The following JMJD1C variants were observed in gnomAD, a reference collection of about 807,000 sequenced individuals.
JMJD1C encodes jumonji domain containing 1C.
Under a neutral mutation model 245.3 loss-of-function variants are expected in JMJD1C, and 31 were observed. The observed-to-expected ratio is 0.13, with a 90% CI of 0.09 to 0.17. The LOEUF (loss-of-function observed/expected upper bound fraction) is 0.17. Among genes scored for constraint, JMJD1C ranks in the 10% least tolerant of loss-of-function variants. The probability of loss-of-function intolerance (pLI) is 1.00; values close to 1 mark genes in which losing one functional copy is unlikely to be tolerated. For synonymous variants in JMJD1C, 1,057 were observed against 1,017.4 expected (o/e 1.04, Z -0.74); for missense variants, 2,691 against 3,000.2 (o/e 0.90, Z 2.41).
At chr10:63,337,624 A>AAAAAGAAAAGAAAAAG (rs1554892781) in intron 2 of JMJD1C, among the ~76,000 whole-genome samples, 1 of 60,194 alleles carries the variant, frequency 1.7e-5, no homozygotes, top group Non-Finnish European at 3.3e-5. Context: ...AAAAGAAAAG[A>AAAAAGAAAAGAAAAAG]AAAAGAAAAG....
rs35705943 is a variant in JMJD1C, at chr10:63,480,323, A to ATT, written n.113+41413_113+41414dup. Among the ~76,000 whole-genome samples the ATT allele has an allele frequency of 6.8e-3, 989 of 146,022 alleles. 6 individuals are homozygous for ATT. The highest frequency in any genetic ancestry group is 0.01 in the Non-Finnish European group (687 of 66,158). ...CAGAAACAGCCTAAACTATAGTTTG[A>ATT]TTTTTTTTTTTTTTTGAGGCAGTCT... On this transcript the variant is annotated intron_variant and non_coding_transcript_variant, in intron 1 of 3. Coordinates refer to the JMJD1C transcript ENST00000633035.
At chr10:63,418,398 A>C (rs1267927257) in intron 1 of JMJD1C, among the ~76,000 whole-genome samples, 1 of 152,224 alleles carries the variant, frequency 6.6e-6, no homozygotes. Flanking sequence ...AGAGGCACTA[A>C]GTGGTTATTC....
At chr10:63,396,005 C>T (rs192033416) in intron 1 of JMJD1C, among the ~76,000 whole-genome samples, 3 of 152,096 alleles carry the variant, frequency 2.0e-5, no homozygotes, top group African/African-American at 7.2e-5. Flanking sequence ...ATGTCTTAAT[C>T]GTCGAAATGG....
At position 63,206,976 on chromosome 10, in the gene JMJD1C, T is replaced by C. The variant is rs1056829883; in HGVS notation, c.4693A>G (p.Thr1565Ala). ...TTCCCTGAATTTTCCATTTTATTAG[T>C]ATTTTTATCTTCTTCTGAGTGTCTG... is the stretch of plus-strand genomic sequence containing the variant. Reference protein sequence around the residue: ...LTRHSEEDKNTNKMENSGNSV... With the variant: ...LTRHSEEDKNANKMENSGNSV... The change falls in exon 10 of 26, where the codon ACT (threonine) becomes GCT (alanine). Residue 1565 changes from threonine (T) to alanine (A), a missense_variant. Physicochemically the swap from Thr to Ala is moderately conservative, Grantham distance 58. Transcript: ENST00000399262. The C allele has an allele frequency of 6.2e-7, 1 of 1,611,432 alleles. No homozygotes were observed. The highest frequency in any genetic ancestry group is 8.5e-7 in the Non-Finnish European group (1 of 1,179,352).
intron 1 of JMJD1C, among the ~76,000 whole-genome samples, chr10:63,402,393 G>A (rs7896783): frequency 0.42 from 64,002 of 151,962 alleles, 14,230 homozygotes; most frequent in South Asian, 0.54. Context: ...TTTGTGTTGA[G>A]TGAATAAATG....
chr10:63,190,068 T>C (rs976089469), intron 17 of JMJD1C, among the ~76,000 whole-genome samples: 4 of 151,912 alleles, frequency 2.6e-5, no homozygotes, highest in Non-Finnish European at 5.9e-5. Context: ...TGGCTAATTT[T>C]TGTATTTTCA....
At chr10:63,305,261 G>A (rs563455479) in intron 2 of JMJD1C, among the ~76,000 whole-genome samples, 187 of 151,876 alleles carry the variant, frequency 1.2e-3, no homozygotes, top group Non-Finnish European at 1.9e-3. Context: ...CCAGCTACTC[G>A]GGAGGCTGAG....
At chr10:63,206,191 C>G (rs1846597538) in intron 10 of JMJD1C, among the ~76,000 whole-genome samples, 1 of 152,150 alleles carries the variant, frequency 6.6e-6, no homozygotes, top group Middle Eastern at 3.2e-3. Context: ...GAATTTCTTT[C>G]CTGACTACAT....
chr10:63,282,436 G>A (rs1407975099), intron 2 of JMJD1C, among the ~76,000 whole-genome samples: 1 of 152,174 alleles, frequency 6.6e-6, no homozygotes, highest in Non-Finnish European at 1.5e-5. Flanking sequence ...GGTAACTTAT[G>A]CCGATATTTT....
chr10:63,185,487 G>C (rs1034099874), intron 20 of JMJD1C, 76 bp downstream of exon 20: 2 of 832,964 alleles, frequency 2.4e-6, no homozygotes, highest in Non-Finnish European at 4.1e-6. Flanking sequence ...TCACATTTAC[G>C]GTTACTTATC....
intron 2 of JMJD1C, among the ~76,000 whole-genome samples, chr10:63,279,451 A>G (rs960820128): frequency 6.6e-6 from 1 of 152,210 alleles, no homozygotes; most frequent in African/African-American, 2.4e-5. Flanking sequence ...TAAAAACTCA[A>G]ACTACTCAAG....
At chr10:63,237,004 G>C (rs1319130006) in intron 3 of JMJD1C, among the ~76,000 whole-genome samples, 1 of 151,986 alleles carries the variant, frequency 6.6e-6, no homozygotes, top group Non-Finnish European at 1.5e-5. Flanking sequence ...TCGTGTCAAT[G>C]ATTGATTCAT....
At chr10:63,297,666 G>A (rs893295053) in intron 2 of JMJD1C, among the ~76,000 whole-genome samples, 9 of 152,056 alleles carry the variant, frequency 5.9e-5, no homozygotes, top group East Asian at 3.9e-4. Context: ...CAGAGCTTCC[G>A]TAACACTACA....
intron 1 of JMJD1C, among the ~76,000 whole-genome samples, chr10:63,394,294 C>T (rs1458255858): frequency 6.6e-6 from 1 of 151,154 alleles, no homozygotes; most frequent in Non-Finnish European, 1.5e-5. Context: ...ACAGAACTGA[C>T]AATTGAATTT....
intron 1 of JMJD1C, among the ~76,000 whole-genome samples, chr10:63,486,156 AAAAAAAAAAAAAC>A (rs1564964482): frequency 1.3e-4 from 6 of 47,110 alleles, no homozygotes; most frequent in South Asian, 1.9e-3. Context: ...AAAAAAAAAA[AAAAAAAAAAAAAC>A]AAAAAACAGA....
chr10:63,183,136 C>T (rs1373452332), intron 22 of JMJD1C, among the ~76,000 whole-genome samples: 3 of 152,188 alleles, frequency 2.0e-5, no homozygotes, highest in Non-Finnish European at 4.4e-5. Flanking sequence ...ACTGAGATTA[C>T]AGGTGTGAGC....
At chr10:63,232,073 T>G (rs1489635654) in intron 3 of JMJD1C, among the ~76,000 whole-genome samples, 2 of 152,124 alleles carry the variant, frequency 1.3e-5, no homozygotes, top group East Asian at 3.9e-4. Context: ...CCTGACCTCA[T>G]GTGATCCACC....
At chr10:63,257,226 C>CAAAAAAAA (rs71025139) in intron 3 of JMJD1C, among the ~76,000 whole-genome samples, 3 of 92,648 alleles carry the variant, frequency 3.2e-5, no homozygotes, top group African/African-American at 4.1e-5. Flanking sequence ...GACTTCATCT[C>CAAAAAAAA]AAAAAAAAAA....
At chr10:63,298,751 A>G in intron 2 of JMJD1C, among the ~76,000 whole-genome samples, 1 of 151,918 alleles carries the variant, frequency 6.6e-6, no homozygotes, top group South Asian at 2.1e-4. Context: ...CTTTTTTTTT[A>G]GACGGAGTTT....
Sources: gnomAD v4.1 joint callset for allele counts (sites outside exome capture counted in the v4.1 genomes callset) on GRCh38, gnomAD v4.1.1 for gene constraint, MANE v1.5 for transcripts, NCBI Gene and HGNC (gene_info 2026-07-23, HGNC 2026-07-21) for gene names.